Variants in ATRNL1 observed in about 807,000 individuals in gnomAD.
ATRNL1 encodes attractin like 1, also known as attractin-like protein 1.
Under a neutral mutation model 182.7 loss-of-function variants are expected in ATRNL1, and 95 were observed. That is an observed-to-expected ratio of 0.52 (90% confidence interval 0.44 to 0.62). The LOEUF is 0.62. Among genes scored for constraint, ATRNL1 ranks in the 20% least tolerant of loss-of-function variants. ATRNL1 has a pLI of 0.00. For missense variants in ATRNL1, 1,471 were observed against 1,679.5 expected, an observed-to-expected ratio of 0.88 and a Z score of 2.17; for synonymous variants, 576 against 568.3, an observed-to-expected ratio of 1.01 and a Z score of -0.19.
chr10:115,530,375 A>T (rs531148276), intron 25 of ATRNL1, among the ~76,000 whole-genome samples: 1 of 152,226 alleles, frequency 6.6e-6, no homozygotes, highest in East Asian at 1.9e-4. Context: ...CCACATTCTT[A>T]CTAAAGTTTG....
At chr10:115,379,540 T>C (rs1484898698) in intron 19 of ATRNL1, among the ~76,000 whole-genome samples, 2 of 152,350 alleles carry the variant, frequency 1.3e-5, no homozygotes, top group African/African-American at 2.4e-5. Flanking sequence ...TTTTAAGATA[T>C]TAATATACAT....
At chr10:115,288,071 A>G (rs1554919668) in intron 15 of ATRNL1, among the ~76,000 whole-genome samples, 1 of 151,870 alleles carries the variant, frequency 6.6e-6, no homozygotes, top group Non-Finnish European at 1.5e-5. Context: ...TTCTTTTTTA[A>G]TGACTGAATA....
intron 19 of ATRNL1, among the ~76,000 whole-genome samples, chr10:115,392,026 T>A (rs1253779318): frequency 1.3e-5 from 2 of 152,118 alleles, no homozygotes; most frequent in Non-Finnish European, 2.9e-5. Context: ...TTACTTCTGG[T>A]GGGAAGAGGC....
chr10:115,226,660 A>G (rs972507749), intron 9 of ATRNL1, among the ~76,000 whole-genome samples: 23 of 152,126 alleles, frequency 1.5e-4, no homozygotes, highest in African/African-American at 5.3e-4. Context: ...GAGGTATCAC[A>G]CTACCTGACT....
chr10:115,254,222 C>T (rs1369461786), intron 10 of ATRNL1, among the ~76,000 whole-genome samples: 1 of 152,196 alleles, frequency 6.6e-6, no homozygotes. Flanking sequence ...CTGTCTTCCA[C>T]AATGGTTGAA....
At chr10:115,563,311 T>A (rs1361816151) in intron 26 of ATRNL1, among the ~76,000 whole-genome samples, 1 of 152,214 alleles carries the variant, frequency 6.6e-6, no homozygotes, top group Non-Finnish European at 1.5e-5. Context: ...GCTACCTGCA[T>A]TCCATATTAA....
chr10:115,428,038 T>C (rs781920963), intron 21 of ATRNL1, among the ~76,000 whole-genome samples: 15 of 151,992 alleles, frequency 9.9e-5, no homozygotes, highest in Admixed American at 2.6e-4. Context: ...TAGTGAGTCT[T>C]TGGAATTATT....
chr10:115,172,962 C>T (rs1304034759), intron 8 of ATRNL1, among the ~76,000 whole-genome samples: 1 of 151,708 alleles, frequency 6.6e-6, no homozygotes, highest in East Asian at 1.9e-4. Flanking sequence ...GCTCCCAGCT[C>T]TCCTGGATGA....
chr10:115,161,591 T>C (rs184269052), intron 6 of ATRNL1, among the ~76,000 whole-genome samples: 2 of 152,184 alleles, frequency 1.3e-5, no homozygotes, highest in African/African-American at 4.8e-5. Context: ...TCATGTTCTT[T>C]GCAAGATGAG....
At chr10:115,806,944 TC>T (rs1247638132) in intron 27 of ATRNL1, among the ~76,000 whole-genome samples, 8 of 152,222 alleles carry the variant, frequency 5.3e-5, no homozygotes, top group Non-Finnish European at 1.2e-4. Context: ...TTAAGAAAAA[TC>T]ATCTTACTTT....
At chr10:115,664,209 G>A (rs1289594051) in intron 26 of ATRNL1, among the ~76,000 whole-genome samples, 1 of 152,148 alleles carries the variant, frequency 6.6e-6, no homozygotes, top group Non-Finnish European at 1.5e-5. Flanking sequence ...CCAATCTGTA[G>A]GAAGCCTCAC....
chr10:115,588,978 A>G (rs1273592342), intron 26 of ATRNL1, among the ~76,000 whole-genome samples: 2 of 152,148 alleles, frequency 1.3e-5, no homozygotes. Context: ...TAGATTGTGA[A>G]TTTTCAGTGC....
rs149598619 is a variant in ATRNL1, at chr10:115,335,445, A to C, written c.3175+1026A>C. Among the ~76,000 whole-genome samples, 652 of 152,218 alleles carry C rather than the reference A, an allele frequency of 4.3e-3. 5 individuals carry two copies. Among genetic ancestry groups the C allele is most frequent in the African/African-American group, 0.015 (627 of 41,532 alleles). ...GGCCACTTTCTAAAACAATTAAATC[A>C]TTATCTTGGTTGTGGTTGTAGGGTG... On this transcript the variant is annotated intron_variant, in intron 19 of 28. Coordinates refer to ENST00000355044, the MANE Select transcript of ATRNL1 (RefSeq NM_207303.4).
chr10:115,160,359 T>G (rs1435944942), intron 6 of ATRNL1, 145 bp downstream of exon 6: 1 of 669,326 alleles, frequency 1.5e-6, no homozygotes, highest in Admixed American at 2.9e-5. Flanking sequence ...TGTGAATACA[T>G]GAACTCAGTA....
intron 20 of ATRNL1, among the ~76,000 whole-genome samples, chr10:115,400,873 A>G (rs1360318731): frequency 6.6e-6 from 1 of 152,022 alleles, no homozygotes; most frequent in Non-Finnish European, 1.5e-5. Flanking sequence ...CAGCATACCA[A>G]CGGGTCTTGG....
rs139960943 is a variant in ATRNL1, at chr10:115,127,689, G to C, written c.588G>C (p.Ala196=). The change falls in exon 4 of 29, where the codon GCG becomes GCC. Residue 196 remains alanine (A), a synonymous_variant. Coordinates refer to ENST00000355044, the MANE Select transcript of ATRNL1 (RefSeq NM_207303.4). The part of the protein sequence containing the change: ...YALLHFFSDA[A]YNLTGFNIFY... ...TGTTACATTTTTTTAGTGATGCTGC[G>C]TATAATCTAACTGGTTTCAACATTT... is the stretch of plus-strand genomic sequence containing the variant. 1 of 1,542,736 alleles carries C rather than the reference G, an allele frequency of 6.5e-7. No individual in the cohort carries two copies. The highest frequency in any genetic ancestry group is 8.7e-7 in the Non-Finnish European group (1 of 1,148,888).
At chr10:115,500,759 T>C (rs1849785955) in intron 24 of ATRNL1, among the ~76,000 whole-genome samples, 1 of 151,684 alleles carries the variant, frequency 6.6e-6, no homozygotes, top group Non-Finnish European at 1.5e-5. Flanking sequence ...CAGGCTGGTC[T>C]CGAACTCCCG....
At chr10:115,923,244 GTATA>G (rs1446835965) in intron 28 of ATRNL1, among the ~76,000 whole-genome samples, 3 of 152,028 alleles carry the variant, frequency 2.0e-5, no homozygotes, top group Admixed American at 2.0e-4. Flanking sequence ...AAACATGTAT[GTATA>G]TATGTATGTA....
At chr10:115,916,228 C>A (rs1166212551) in intron 28 of ATRNL1, among the ~76,000 whole-genome samples, 1 of 152,206 alleles carries the variant, frequency 6.6e-6, no homozygotes, top group African/African-American at 2.4e-5. Context: ...TGCTGGGAGG[C>A]AATGACTCCA....
Sources: allele counts gnomAD v4.1 joint callset (sites outside exome capture counted in the v4.1 genomes callset), GRCh38; gene constraint gnomAD v4.1.1; transcripts MANE v1.5; gene names NCBI Gene and HGNC (gene_info 2026-07-23, HGNC 2026-07-21).